DCC: variants seen among roughly 807,000 people sequenced by gnomAD.
DCC encodes netrin receptor DCC.
A neutral mutation model predicts 172.5 loss-of-function variants in DCC; 58 were observed. That is an observed-to-expected ratio of 0.34 (90% CI 0.27 to 0.42). The LOEUF is 0.42. Ranked by LOEUF, DCC falls within the 10% of genes least tolerant of loss-of-function variation. DCC has a pLI of 1.00. For missense variants in DCC, 1,740 were observed against 1,791.0 expected (o/e 0.97, Z 0.51); for synonymous variants, 709 against 644.5 (o/e 1.10, Z -1.52).
chr18:52,830,581 C>T (rs1452887997), intron 2 of DCC, among the ~76,000 whole-genome samples: 1 of 152,090 alleles, frequency 6.6e-6, no homozygotes, highest in Non-Finnish European at 1.5e-5. Flanking sequence ...TTCTAATAGA[C>T]TAATACCTAT....
rs1393332 is a variant in DCC, at chr18:53,392,011, G to A, written c.2688+124G>A. ...CTGTGTATCTATGTAGAAAAACAAA[G>A]CATTTTAATAACTCAATATCTAAGA... On this transcript the variant is annotated intron_variant, in intron 17 of 28. Coordinates refer to ENST00000442544, the MANE Select transcript of DCC (RefSeq NM_005215.4). The A allele has an allele frequency of 4.7e-3, 3,238 of 693,200 alleles. 83 individuals carry two copies. The African/African-American group carries it at 0.049, about 11-fold the overall frequency. The allele number at this position is 693,200 out of a possible 1,614,324, so 42.9% of individuals were successfully genotyped here. A position where few individuals can be genotyped will look rare whatever the true frequency, so the allele number is the denominator to read the frequency against.
intron 1 of DCC, among the ~76,000 whole-genome samples, chr18:52,420,135 G>C (rs991754352): frequency 6.6e-6 from 1 of 152,142 alleles, no homozygotes; most frequent in African/African-American, 2.4e-5. Context: ...TTTAAATAAT[G>C]GTTGTGCATT....
intron 27 of DCC, among the ~76,000 whole-genome samples, chr18:53,522,409 A>G (rs2046408725): frequency 6.6e-6 from 1 of 152,224 alleles, no homozygotes; most frequent in Non-Finnish European, 1.5e-5. Flanking sequence ...ACAGAATTAG[A>G]AAAAACTACT....
chr18:52,434,916 T>C (rs1987742001), intron 1 of DCC, among the ~76,000 whole-genome samples: 1 of 152,236 alleles, frequency 6.6e-6, no homozygotes, highest in Admixed American at 6.5e-5. Context: ...TAAATCTTTG[T>C]TGTACACATA....
In DCC at chr18:53,476,931, G is replaced by A. The variant is rs189650443; in HGVS notation, c.3736+8921G>A. On this transcript the variant is annotated intron_variant, in intron 25 of 28. Coordinates refer to ENST00000442544, the MANE Select transcript of DCC (RefSeq NM_005215.4). ...ATAACTTGGTCACATCACATTCATTGTTATCTACAAGCTGTTTGTTGGTGA... is the reference window on the plus strand; with the variant it reads ...ATAACTTGGTCACATCACATTCATTATTATCTACAAGCTGTTTGTTGGTGA... Among the ~76,000 whole-genome samples, 534 of 152,262 alleles carry A rather than the reference G, an allele frequency of 3.5e-3. 2 individuals carry two copies. Among genetic ancestry groups the A allele is most frequent in the African/African-American group, 0.012 (502 of 41,542 alleles).
At chr18:53,263,429 G>A (rs2056629293) in intron 12 of DCC, among the ~76,000 whole-genome samples, 1 of 152,172 alleles carries the variant, frequency 6.6e-6, no homozygotes. Context: ...TGGGATTACA[G>A]GCATGAGCCA....
intron 15 of DCC, among the ~76,000 whole-genome samples, chr18:53,346,363 T>G (rs2057725101): frequency 6.6e-6 from 1 of 152,152 alleles, no homozygotes; most frequent in South Asian, 2.1e-4. Context: ...TGTCTTCAAA[T>G]ATTTTTCCCC....
chr18:53,029,035 A>G (rs1334048694), intron 5 of DCC, among the ~76,000 whole-genome samples: 1 of 149,538 alleles, frequency 6.7e-6, no homozygotes, highest in Non-Finnish European at 1.5e-5. Flanking sequence ...ACTAAAAATT[A>G]CCAAAATGTG....
At chr18:52,700,732 A>T (rs1005132017) in intron 1 of DCC, among the ~76,000 whole-genome samples, 2 of 152,228 alleles carry the variant, frequency 1.3e-5, no homozygotes, top group Non-Finnish European at 2.9e-5. Flanking sequence ...TCTTAAAATG[A>T]AGACAAGTTC....
intron 1 of DCC, among the ~76,000 whole-genome samples, chr18:52,671,322 A>G: frequency 6.6e-6 from 1 of 152,084 alleles, no homozygotes; most frequent in East Asian, 1.9e-4. Flanking sequence ...TCTAAAAGTG[A>G]CACATTTGGC....
At chr18:53,512,258 T>C (rs1598830637) in intron 27 of DCC, among the ~76,000 whole-genome samples, 1 of 149,736 alleles carries the variant, frequency 6.7e-6, no homozygotes, top group East Asian at 2.0e-4. Flanking sequence ...GTCCTGTCTG[T>C]TAGAAGGAAA....
intron 1 of DCC, among the ~76,000 whole-genome samples, chr18:52,527,568 A>G (rs1314791063): frequency 6.6e-6 from 1 of 152,252 alleles, no homozygotes; most frequent in African/African-American, 2.4e-5. Context: ...AGTGGTTGCT[A>G]AATGAGCTTA....
intron 7 of DCC, among the ~76,000 whole-genome samples, chr18:53,096,497 G>C (rs953464927): frequency 5.3e-5 from 8 of 152,278 alleles, no homozygotes; most frequent in African/African-American, 1.9e-4. Context: ...TGAATTTGCA[G>C]TTGAATGGTT....
chr18:52,808,836 C>T (rs947444164), intron 2 of DCC, among the ~76,000 whole-genome samples: 11 of 152,206 alleles, frequency 7.2e-5, no homozygotes, highest in Admixed American at 5.2e-4. Context: ...TTACTTTCCT[C>T]TCATGTTCTA....
chr18:53,412,946 G>A (rs933370965), intron 20 of DCC, among the ~76,000 whole-genome samples: 1 of 152,082 alleles, frequency 6.6e-6, no homozygotes, highest in Non-Finnish European at 1.5e-5. Context: ...AAAGAATCTT[G>A]ACCTTGATTA....
Position 53,205,886 on chromosome 18 carries a change from T to C in DCC, c.1722+522T>C, listed in dbSNP as rs73461554. On this transcript the variant is annotated intron_variant, in intron 10 of 28. Coordinates refer to ENST00000442544, the MANE Select transcript of DCC (RefSeq NM_005215.4). ...CTTACATTTTGCTCCTACCCAATGGTTAGCATAGACACCTGAAAAGAAGCA... is the reference window on the plus strand; with the variant it reads ...CTTACATTTTGCTCCTACCCAATGGCTAGCATAGACACCTGAAAAGAAGCA... Among the ~76,000 whole-genome samples, 267 of 152,058 alleles carry C rather than the reference T, an allele frequency of 1.8e-3. 2 individuals are homozygous for C. Among genetic ancestry groups the C allele is most frequent in the African/African-American group, 6.3e-3 (262 of 41,510 alleles).
intron 15 of DCC, among the ~76,000 whole-genome samples, chr18:53,355,609 C>T (rs1226963343): frequency 6.6e-6 from 1 of 152,088 alleles, no homozygotes; most frequent in Non-Finnish European, 1.5e-5. Context: ...GCGATTTTTG[C>T]ACGTTGATTT....
chr18:53,299,221 A>G (rs2057103984), intron 12 of DCC, among the ~76,000 whole-genome samples: 1 of 152,186 alleles, frequency 6.6e-6, no homozygotes, highest in South Asian at 2.1e-4. Context: ...GGGACTCTAC[A>G]CTATTATTTT....
chr18:52,963,543 G>A (rs943037880), intron 5 of DCC, among the ~76,000 whole-genome samples: 1 of 152,090 alleles, frequency 6.6e-6, no homozygotes, highest in African/African-American at 2.4e-5. Flanking sequence ...TCAGGTCTGG[G>A]GCACACTGAG....
Sources: allele counts gnomAD v4.1 joint callset (sites outside exome capture counted in the v4.1 genomes callset), GRCh38; gene constraint gnomAD v4.1.1; transcripts MANE v1.5; gene names NCBI Gene and HGNC (gene_info 2026-07-23, HGNC 2026-07-21).